FAM135A: variants seen among roughly 807,000 people sequenced by gnomAD.
FAM135A encodes the protein family with sequence similarity 135 member A.
FAM135A carries 79 observed loss-of-function variants against 146.8 expected under a neutral mutation model. The ratio of observed to expected loss-of-function variants is 0.54; its 90% CI spans 0.45 to 0.65. The LOEUF (loss-of-function observed/expected upper bound fraction) is 0.65, where lower values mean the gene tolerates loss of function less well. FAM135A is among the 30% of genes least tolerant of loss of function. The pLI, the probability that FAM135A is intolerant of heterozygous loss-of-function variation, is 0.00. For synonymous variants in FAM135A, 562 were observed against 603.6 expected (o/e 0.93, Z 1.01); for missense variants, 1,623 against 1,758.2 (o/e 0.92, Z 1.38).
intron 18 of FAM135A, 111 bp from the exon 19 acceptor site, chr6:70,536,149 T>C (rs1796752777): frequency 9.9e-7 from 1 of 1,006,358 alleles, no homozygotes; most frequent in East Asian, 2.6e-5. Flanking sequence ...TTTTACAACA[T>C]TAGAAATTTT....
At chr6:70,526,762 C>G (rs111975274) in intron 15 of FAM135A, 64 bp downstream of exon 15, 2 of 644,782 alleles carry the variant, frequency 3.1e-6, no homozygotes, top group African/African-American at 3.2e-5. Flanking sequence ...CACACACACA[C>G]ACATACACAC....
At position 70,475,566 on chromosome 6, in the gene FAM135A, A is replaced by G. The variant is rs1782464913; in HGVS notation, c.297+17A>G. ...GAAAGAAAGGTAAACATCTCTTCAT[A>G]TTTATTTATGTAAATATTTTTTGTA... On this transcript the variant is annotated intron_variant, in intron 6 of 21. Transcript: ENST00000418814. 1 of 1,579,758 alleles carries G rather than the reference A, an allele frequency of 6.3e-7. No homozygotes were observed.
intron 2 of FAM135A, among the ~76,000 whole-genome samples, chr6:70,416,435 CTTG>C: frequency 6.6e-6 from 1 of 151,040 alleles, no homozygotes; most frequent in South Asian, 2.1e-4. Context: ...ACATTAAATC[CTTG>C]TTGTGAGGGC....
chr6:70,461,623 C>T (rs961234066), intron 5 of FAM135A, among the ~76,000 whole-genome samples: 1 of 151,998 alleles, frequency 6.6e-6, no homozygotes, highest in African/African-American at 2.4e-5. Context: ...GAAACATGAA[C>T]TAGTATGACC....
intron 16 of FAM135A, among the ~76,000 whole-genome samples, chr6:70,531,913 T>TG (rs1795874226): frequency 1.6e-5 from 2 of 121,352 alleles, no homozygotes; most frequent in Non-Finnish European, 3.3e-5. Context: ...TTTTTTTTTT[T>TG]GAGACAGAAT....
chr6:70,525,658 T>G lies in FAM135A; in HGVS notation c.2574T>G (p.Ser858=). The change falls in exon 15 of 22, where the codon TCT becomes TCG. Residue 858 remains serine (S), a synonymous_variant. Transcript: ENST00000418814. ...CACCTGATGAAAATTCTAAGAAATC[T>G]GTTGTACCTGAATGCCATCTAAATG... is the stretch of plus-strand genomic sequence containing the variant. ...ELSPDENSKK[S]VVPECHLNDS... The G allele has an allele frequency of 6.2e-7, 1 of 1,612,588 alleles. No homozygotes were observed. Among genetic ancestry groups the G allele is most frequent in the Non-Finnish European group, 8.5e-7 (1 of 1,179,426 alleles).
chr6:70,465,586 C>T (rs1003211837), intron 5 of FAM135A, among the ~76,000 whole-genome samples: 1 of 152,006 alleles, frequency 6.6e-6, no homozygotes, highest in African/African-American at 2.4e-5. Flanking sequence ...AACTTTGTTG[C>T]CCAGGCTAAT....
At chr6:70,463,731 A>G (rs1779864788) in intron 5 of FAM135A, among the ~76,000 whole-genome samples, 1 of 152,228 alleles carries the variant, frequency 6.6e-6, no homozygotes, top group South Asian at 2.1e-4. Flanking sequence ...CTAATCCTTT[A>G]CTGTTATCAG....
At chr6:70,449,438 A>G (rs1490349705) in intron 4 of FAM135A, among the ~76,000 whole-genome samples, 1 of 152,156 alleles carries the variant, frequency 6.6e-6, no homozygotes, top group Admixed American at 6.5e-5. Context: ...GGTAAACACC[A>G]TTCTACTCTC....
chr6:70,535,875 C>T (rs553187310), intron 18 of FAM135A: 1 of 154,536 alleles, frequency 6.5e-6, no homozygotes, highest in Admixed American at 6.5e-5. Context: ...TTTATAAATA[C>T]AATTTCATCA....
chr6:70,469,638 A>G (rs572284492), intron 5 of FAM135A, among the ~76,000 whole-genome samples: 1 of 152,288 alleles, frequency 6.6e-6, no homozygotes, highest in East Asian at 1.9e-4. Flanking sequence ...AACCAGGACT[A>G]AAACCTAGCC....
chr6:70,449,111 G>A (rs1159915228), intron 4 of FAM135A, among the ~76,000 whole-genome samples: 1 of 152,184 alleles, frequency 6.6e-6, no homozygotes, highest in Non-Finnish European at 1.5e-5. Context: ...TTCTAACAGA[G>A]AAGTGGCTTT....
intron 20 of FAM135A, among the ~76,000 whole-genome samples, chr6:70,542,624 C>A (rs928579443): frequency 6.6e-6 from 1 of 152,180 alleles, no homozygotes; most frequent in African/African-American, 2.4e-5. Flanking sequence ...GCCTTGAACT[C>A]GTGGATCAAG....
chr6:70,486,024 T>C (rs1784556946), intron 10 of FAM135A: 1 of 547,212 alleles, frequency 1.8e-6, no homozygotes. Flanking sequence ...TGAATGTACA[T>C]CATTTGTAAT....
chr6:70,457,824 G>T (rs1778659257), intron 5 of FAM135A, among the ~76,000 whole-genome samples: 1 of 152,068 alleles, frequency 6.6e-6, no homozygotes. Flanking sequence ...AACTGTGTCA[G>T]AAATGCCCAA....
intron 10 of FAM135A, among the ~76,000 whole-genome samples, chr6:70,489,015 A>G (rs1333715622): frequency 6.6e-6 from 1 of 152,214 alleles, no homozygotes; most frequent in Non-Finnish European, 1.5e-5. Context: ...TTTGCATTGA[A>G]GTAGCTCTCA....
At chr6:70,455,565 G>A (rs1032792827) in intron 5 of FAM135A, among the ~76,000 whole-genome samples, 8 of 151,960 alleles carry the variant, frequency 5.3e-5, no homozygotes, top group Admixed American at 1.3e-4. Context: ...CTACTTTCAC[G>A]AAACATAGAG....
intron 5 of FAM135A, 117 bp from the exon 6 acceptor site, chr6:70,475,293 A>G: frequency 2.5e-6 from 2 of 802,344 alleles, no homozygotes; most frequent in Non-Finnish European, 3.7e-6. Flanking sequence ...TGCAGTATAA[A>G]TTGATAATGA....
chr6:70,438,194 C>G (rs1773656617), intron 4 of FAM135A, among the ~76,000 whole-genome samples: 1 of 152,138 alleles, frequency 6.6e-6, no homozygotes, highest in Admixed American at 6.5e-5. Flanking sequence ...TTTAAGTTGT[C>G]TTGTTCAAAG....
Sources: gnomAD v4.1 joint callset for allele counts (sites outside exome capture counted in the v4.1 genomes callset) on GRCh38, gnomAD v4.1.1 for gene constraint, MANE v1.5 for transcripts, NCBI Gene and HGNC (gene_info 2026-07-23, HGNC 2026-07-21) for gene names.